The following PSD3 variants were observed in gnomAD, a reference collection of about 807,000 sequenced individuals.
The protein encoded by PSD3 is pleckstrin and Sec7 domain containing 3, also known as PH and SEC7 domain-containing protein 3.
In PSD3, 49 loss-of-function variants were observed where a neutral mutation model predicts 105.5. That is an observed-to-expected ratio of 0.46 (90% confidence interval 0.37 to 0.59). The LOEUF is 0.59. Among genes scored for constraint, PSD3 ranks in the 20% least tolerant of loss-of-function variants. PSD3 has a pLI of 0.00. For missense variants in PSD3, 1,561 were observed against 1,263.8 expected (o/e 1.24, Z -3.57); for synonymous variants, 557 against 457.8 (o/e 1.22, Z -2.77).
intron 2 of PSD3, among the ~76,000 whole-genome samples, chr8:18,879,925 G>T (rs1475101683): frequency 6.6e-6 from 1 of 152,120 alleles, no homozygotes; most frequent in African/African-American, 2.4e-5. Flanking sequence ...GAGCAGTAAT[G>T]TTAACAAATA....
At chr8:18,916,303 T>G (rs1365620561) in intron 2 of PSD3, among the ~76,000 whole-genome samples, 35 of 956 alleles carry the variant, frequency 0.037, no homozygotes, top group Non-Finnish European at 0.055. Flanking sequence ...AAGTGATATA[T>G]ATATATATAT....
intron 9 of PSD3, among the ~76,000 whole-genome samples, chr8:18,724,119 C>G (rs540282463): frequency 6.6e-6 from 1 of 152,020 alleles, no homozygotes; most frequent in South Asian, 2.1e-4. Context: ...AAATATGAGC[C>G]TAGGGTTTGG....
intron 1 of PSD3, among the ~76,000 whole-genome samples, chr8:19,005,129 G>C (rs1177931692): frequency 2.6e-5 from 4 of 152,000 alleles, no homozygotes; most frequent in African/African-American, 9.7e-5. Context: ...ACACCCACTA[G>C]AATGGCTACA....
At chr8:18,693,156 C>G (rs753373778) in intron 9 of PSD3, among the ~76,000 whole-genome samples, 35 of 152,310 alleles carry the variant, frequency 2.3e-4, no homozygotes, top group Middle Eastern at 3.4e-3. Flanking sequence ...CCCCCAACTG[C>G]TGGTTGTACT....
At chr8:18,852,356 T>C (rs1008425307) in intron 4 of PSD3, among the ~76,000 whole-genome samples, 4 of 152,064 alleles carry the variant, frequency 2.6e-5, no homozygotes, top group South Asian at 4.2e-4. Flanking sequence ...AAAGGGACAA[T>C]CTAGGAATAC....
chr8:18,715,888 A>T (rs73591602), intron 9 of PSD3, among the ~76,000 whole-genome samples: 1 of 152,358 alleles, frequency 6.6e-6, no homozygotes, highest in African/African-American at 2.4e-5. Flanking sequence ...CTAGGTAGAG[A>T]CAGACACAGC....
chr8:18,532,000 A>G lies in PSD3; in HGVS notation c.*3743T>C, dbSNP rs74954711. ...CATGCTTAACTGATGACTGCAAGGA[A>G]AAATGCCAAAGGAACTCAATTTCAA... On this transcript the variant is annotated 3_prime_UTR_variant, in exon 16 of 16. Coordinates refer to ENST00000327040, the MANE Select transcript of PSD3 (RefSeq NM_015310.4). 488 of 152,360 alleles carry G rather than the reference A, an allele frequency of 3.2e-3. 5 individuals are homozygous for G. The highest frequency in any genetic ancestry group is 0.011 in the African/African-American group (459 of 41,586). The allele number at this position is 152,360 out of a possible 1,614,324, so 9.4% of individuals were successfully genotyped here. A position where few individuals can be genotyped will look rare whatever the true frequency, so the allele number is the denominator to read the frequency against.
intron 15 of PSD3, among the ~76,000 whole-genome samples, chr8:18,555,251 G>C (rs763849766): frequency 1.3e-5 from 2 of 152,112 alleles, no homozygotes; most frequent in Non-Finnish European, 2.9e-5. Context: ...GGACAGGTGT[G>C]AGACGCCACA....
At chr8:18,970,020 T>C (rs1824530510) in intron 1 of PSD3, among the ~76,000 whole-genome samples, 1 of 147,050 alleles carries the variant, frequency 6.8e-6, no homozygotes, top group African/African-American at 2.5e-5. Context: ...AAACGCTAGG[T>C]AAAAGGAAAA....
intron 9 of PSD3, among the ~76,000 whole-genome samples, chr8:18,723,648 G>GGAAGAATAT (rs1409581079): frequency 6.6e-6 from 1 of 152,102 alleles, no homozygotes; most frequent in Non-Finnish European, 1.5e-5. Flanking sequence ...ATACACTAAT[G>GGAAGAATAT]GTTCAAAGAA....
chr8:18,898,110 A>G (rs901732767), intron 2 of PSD3, among the ~76,000 whole-genome samples: 1 of 152,118 alleles, frequency 6.6e-6, no homozygotes, highest in Admixed American at 6.6e-5. Flanking sequence ...CTTCTTACCT[A>G]ACTTGCTGAG....
At chr8:18,822,312 G>C (rs2632854) in intron 4 of PSD3, among the ~76,000 whole-genome samples, 56,653 of 152,010 alleles carry the variant, frequency 0.37, 10,951 homozygotes, top group East Asian at 0.75. Flanking sequence ...TCTGTCCTGT[G>C]TCCCATCCAG....
chr8:18,706,636 T>C (rs1171284543), intron 9 of PSD3, among the ~76,000 whole-genome samples: 2 of 152,242 alleles, frequency 1.3e-5, no homozygotes, highest in Non-Finnish European at 2.9e-5. Flanking sequence ...TTCATCCAGC[T>C]GGCAATCACC....
intron 1 of PSD3, among the ~76,000 whole-genome samples, chr8:19,027,173 T>C (rs975769956): frequency 2.6e-5 from 4 of 152,064 alleles, no homozygotes; most frequent in East Asian, 1.9e-4. Context: ...TCAATTTTCC[T>C]ATTAAAGACT....
chr8:18,926,112 G>GC (rs200518362), intron 2 of PSD3, among the ~76,000 whole-genome samples: 104 of 143,986 alleles, frequency 7.2e-4, no homozygotes, highest in African/African-American at 2.6e-3. Flanking sequence ...ATGGTATGTT[G>GC]TTTTTTTTTT....
At chr8:18,790,563 A>C (rs1809620841) in intron 8 of PSD3, among the ~76,000 whole-genome samples, 1 of 152,014 alleles carries the variant, frequency 6.6e-6, no homozygotes, top group Non-Finnish European at 1.5e-5. Context: ...TGGCCTCCCA[A>C]AGTGCTGGGA....
At chr8:18,822,865 T>G (rs1214462366) in intron 4 of PSD3, among the ~76,000 whole-genome samples, 1 of 152,122 alleles carries the variant, frequency 6.6e-6, no homozygotes, top group Non-Finnish European at 1.5e-5. Flanking sequence ...GTTCAGGTAT[T>G]TTAAAGTTTA....
At chr8:18,719,282 A>T (rs1253651752) in intron 9 of PSD3, among the ~76,000 whole-genome samples, 2 of 152,160 alleles carry the variant, frequency 1.3e-5, no homozygotes, top group South Asian at 4.2e-4. Context: ...CTGCATTCTG[A>T]CCTTGACTTT....
intron 1 of PSD3, among the ~76,000 whole-genome samples, chr8:19,071,941 C>T (rs1471883725): frequency 2.0e-5 from 3 of 152,222 alleles, no homozygotes; most frequent in East Asian, 1.9e-4. Flanking sequence ...AACTCCTGAC[C>T]TCAGGCAATC....
Sources: gnomAD v4.1 joint callset for allele counts (sites outside exome capture counted in the v4.1 genomes callset) on GRCh38, gnomAD v4.1.1 for gene constraint, MANE v1.5 for transcripts, NCBI Gene and HGNC (gene_info 2026-07-23, HGNC 2026-07-21) for gene names.